The following TBC1D32 variants were observed in gnomAD, a reference collection of about 807,000 sequenced individuals.
The protein encoded by TBC1D32 is TBC1 domain family member 32, also known as protein broad-minded.
Under a neutral mutation model 170.3 loss-of-function variants are expected in TBC1D32, and 151 were observed. That is an observed-to-expected ratio of 0.89 (90% CI 0.78 to 1.01). The LOEUF (loss-of-function observed/expected upper bound fraction) is 1.01. TBC1D32 is among the 50% of genes least tolerant of loss of function. TBC1D32 has a pLI of 0.00. For missense variants in TBC1D32, 1,464 were observed against 1,457.1 expected, an observed-to-expected ratio of 1.00 and a Z score of -0.08; for synonymous variants, 498 against 488.0, an observed-to-expected ratio of 1.02 and a Z score of -0.27.
chr6:121,230,380 T>A (rs1162801578), intron 20 of TBC1D32, among the ~76,000 whole-genome samples: 1 of 152,130 alleles, frequency 6.6e-6, no homozygotes, highest in Non-Finnish European at 1.5e-5. Context: ...TATCACAGTT[T>A]GACATGCTAA....
At chr6:121,259,414 G>A (rs1221726564) in intron 15 of TBC1D32, among the ~76,000 whole-genome samples, 1 of 152,152 alleles carries the variant, frequency 6.6e-6, no homozygotes, top group East Asian at 1.9e-4. Flanking sequence ...ATAGGGTTAA[G>A]TGGTAGACAA....
chr6:121,295,633 G>T (rs542424693), intron 10 of TBC1D32, among the ~76,000 whole-genome samples: 79 of 151,804 alleles, frequency 5.2e-4, no homozygotes, highest in Non-Finnish European at 9.1e-4. Flanking sequence ...AGAGAAAGGG[G>T]ATAGTTGATA....
At chr6:121,202,134 C>T (rs1480047889) in intron 22 of TBC1D32, among the ~76,000 whole-genome samples, 1 of 150,478 alleles carries the variant, frequency 6.6e-6, no homozygotes, top group Non-Finnish European at 1.5e-5. Context: ...TAAATGGGGG[C>T]ATCTACTAGC....
chr6:121,303,594 A>T (rs4946561), intron 9 of TBC1D32, 23 bp downstream of exon 9: 33,440 of 1,515,126 alleles, frequency 0.022, 1,321 homozygotes, highest in East Asian at 0.14. Flanking sequence ...TAAAAGGTAT[A>T]AAAATATTCT....
At chr6:121,160,562 C>G (rs1393894032) in intron 23 of TBC1D32, among the ~76,000 whole-genome samples, 1 of 150,938 alleles carries the variant, frequency 6.6e-6, no homozygotes, top group Non-Finnish European at 1.5e-5. Context: ...TACTTGAATA[C>G]TGATGGAAGG....
chr6:121,247,422 A>T (rs1380169601), intron 17 of TBC1D32, among the ~76,000 whole-genome samples: 1 of 151,266 alleles, frequency 6.6e-6, no homozygotes, highest in East Asian at 1.9e-4. Context: ...GAAAAAAAAA[A>T]GTATCAAGGC....
intron 26 of TBC1D32, among the ~76,000 whole-genome samples, chr6:121,124,338 T>C (rs1042714987): frequency 5.9e-5 from 9 of 152,080 alleles, no homozygotes; most frequent in Non-Finnish European, 8.8e-5. Context: ...TACTTTTTTT[T>C]CCCAACATTT....
intron 29 of TBC1D32, among the ~76,000 whole-genome samples, chr6:121,106,735 G>A (rs1422734929): frequency 2.0e-5 from 3 of 151,830 alleles, no homozygotes; most frequent in African/African-American, 4.8e-5. Context: ...AAGTGCACAA[G>A]GCATTCCCAT....
chr6:121,281,790 G>C (rs1450345357), intron 13 of TBC1D32, 104 bp from the exon 14 acceptor site: 1 of 819,820 alleles, frequency 1.2e-6, no homozygotes, highest in Admixed American at 3.3e-5. Flanking sequence ...AGTTAATTCA[G>C]TACTTCAAAA....
At chr6:121,327,611 C>A (rs937818706) in intron 1 of TBC1D32, among the ~76,000 whole-genome samples, 1 of 152,156 alleles carries the variant, frequency 6.6e-6, no homozygotes, top group East Asian at 1.9e-4. Context: ...GAAAGCAAGC[C>A]ATGTATGAGA....
At chr6:121,096,532 C>G (rs1777432060) in intron 30 of TBC1D32, among the ~76,000 whole-genome samples, 1 of 151,990 alleles carries the variant, frequency 6.6e-6, no homozygotes, top group Non-Finnish European at 1.5e-5. Flanking sequence ...AACCACTGAT[C>G]AAGGAAATAA....
intron 24 of TBC1D32, among the ~76,000 whole-genome samples, chr6:121,150,216 G>A (rs1033020845): frequency 1.3e-5 from 2 of 152,126 alleles, no homozygotes; most frequent in African/African-American, 4.8e-5. Context: ...AAAGTTTTTA[G>A]CATGAAGGGG....
Position 121,080,488 on chromosome 6 carries a change from A to T in TBC1D32, c.*283T>A. ...CTCAGACTCCCAAAGTGCTGGGATTACAGGCATGAGCCACCGCGCCTGGCC... is the reference window on the plus strand; with the variant it reads ...CTCAGACTCCCAAAGTGCTGGGATTTCAGGCATGAGCCACCGCGCCTGGCC... On this transcript the variant is annotated 3_prime_UTR_variant, in exon 32 of 32. Coordinates refer to ENST00000398212, the MANE Select transcript of TBC1D32 (RefSeq NM_152730.6). The T allele has an allele frequency of 3.7e-6, 1 of 267,878 alleles. No individual in the cohort carries two copies. The highest frequency in any genetic ancestry group is 7.2e-6 in the Non-Finnish European group (1 of 138,306). The allele number at this position is 267,878 out of a possible 1,614,324, so 16.6% of individuals were successfully genotyped here.
At chr6:121,260,924 G>A (rs752981069) in intron 15 of TBC1D32, among the ~76,000 whole-genome samples, 3 of 152,162 alleles carry the variant, frequency 2.0e-5, no homozygotes, top group Admixed American at 6.5e-5. Context: ...GCTCCAGGCC[G>A]TGCTTTTCCC....
chr6:121,176,743 C>T (rs1382991064), intron 22 of TBC1D32, among the ~76,000 whole-genome samples: 1 of 152,060 alleles, frequency 6.6e-6, no homozygotes, highest in Admixed American at 6.5e-5. Context: ...GAATTACAGG[C>T]ACGCGCCACC....
intron 22 of TBC1D32, among the ~76,000 whole-genome samples, chr6:121,197,687 G>A (rs1037867155): frequency 2.0e-5 from 3 of 152,110 alleles, no homozygotes; most frequent in Non-Finnish European, 4.4e-5. Flanking sequence ...GCGTAATTAT[G>A]ATCTTATTAT....
At chr6:121,191,010 T>C (rs1277301265) in intron 22 of TBC1D32, among the ~76,000 whole-genome samples, 1 of 150,130 alleles carries the variant, frequency 6.7e-6, no homozygotes, top group Admixed American at 6.7e-5. Flanking sequence ...ATTATACTTT[T>C]ACAAACTCTA....
chr6:121,189,480 T>C (rs1789654336), intron 22 of TBC1D32, among the ~76,000 whole-genome samples: 1 of 150,832 alleles, frequency 6.6e-6, no homozygotes, highest in African/African-American at 2.4e-5. Flanking sequence ...ATGTTCATTA[T>C]ATTGACCCTA....
At chr6:121,236,834 A>G (rs1194985155) in intron 20 of TBC1D32, 2 of 152,106 alleles carry the variant, frequency 1.3e-5, no homozygotes, top group Non-Finnish European at 2.9e-5. Flanking sequence ...CCTTTATGCT[A>G]CAGCTATCCT....
Sources: allele counts gnomAD v4.1 joint callset (sites outside exome capture counted in the v4.1 genomes callset), GRCh38; gene constraint gnomAD v4.1.1; transcripts MANE v1.5; gene names NCBI Gene and HGNC (gene_info 2026-07-23, HGNC 2026-07-21).